The following MORN3 variants were observed in gnomAD, a reference collection of about 807,000 sequenced individuals.
The protein encoded by MORN3 is MORN repeat containing 3.
In MORN3, 38 loss-of-function variants were observed where a neutral mutation model predicts 34.7. The ratio of observed to expected loss-of-function variants is 1.10; its 90% CI spans 0.85 to 1.44. The LOEUF (loss-of-function observed/expected upper bound fraction) is 1.44. MORN3 is among the 40% of genes most tolerant of loss of function. The probability of loss-of-function intolerance (pLI) is 0.00; values close to 1 mark genes in which losing one functional copy is unlikely to be tolerated. For synonymous variants in MORN3, 109 were observed against 115.3 expected, an observed-to-expected ratio of 0.95 and a Z score of 0.35; for missense variants, 311 against 321.7, an observed-to-expected ratio of 0.97 and a Z score of 0.25.
chr12:121,669,631 G>A lies in MORN3; in HGVS notation c.-148C>T. 1 of 1,140,054 alleles carries A rather than the reference G, an allele frequency of 8.8e-7. No homozygotes were observed. The allele number at this position is 1,140,054 out of a possible 1,614,324, so 70.6% of individuals were successfully genotyped here. On this transcript the variant is annotated 5_prime_UTR_variant, in exon 1 of 6. Coordinates refer to ENST00000355329, the MANE Select transcript of MORN3 (RefSeq NM_173855.5). Reference sequence around the variant, plus strand: ...CCCTGGGGCAGGTGAACAGCCCTTAGTGGGGATCCTTTAGTGCTGGACTGA... The same window carrying A: ...CCCTGGGGCAGGTGAACAGCCCTTAATGGGGATCCTTTAGTGCTGGACTGA...
At chr12:121,660,414 C>T (rs1225797589) in intron 1 of MORN3, among the ~76,000 whole-genome samples, 3 of 134,506 alleles carry the variant, frequency 2.2e-5, no homozygotes, top group Non-Finnish European at 4.6e-5. Context: ...TGCAGTGTTG[C>T]GATCTCGGCT....
chr12:121,653,040 G>A (rs782816947), intron 4 of MORN3, 35 bp downstream of exon 4: 37 of 1,565,602 alleles, frequency 2.4e-5, no homozygotes, highest in Non-Finnish European at 3.0e-5. Flanking sequence ...TCTCTGTCTG[G>A]GTGTGGCCAC....
chr12:121,658,589 T>C (rs1401998453), intron 2 of MORN3, among the ~76,000 whole-genome samples: 2 of 140,126 alleles, frequency 1.4e-5, no homozygotes, highest in Non-Finnish European at 3.1e-5. Flanking sequence ...AAAAAAAAAG[T>C]TTTAAATATG....
In MORN3 at chr12:121,669,405, G is replaced by C; in HGVS notation, c.79C>G (p.Arg27Gly). 2 of 1,613,962 alleles carry C rather than the reference G, an allele frequency of 1.2e-6. No individual in the cohort carries two copies. Among genetic ancestry groups the C allele is most frequent in the Non-Finnish European group, 1.7e-6 (2 of 1,179,922 alleles). Residue 27 changes from arginine (R) to glycine (G), a missense_variant, in exon 1 of 6, where the codon CGG (arginine) becomes GGG (glycine). Transcript: ENST00000355329. ...WDRKAQRNGLRSQVYAVNGDY... is the reference protein window; with the variant it reads ...WDRKAQRNGLGSQVYAVNGDY... ...CCATTCACAGCGTATACCTGGCTCCGCAGGCCGTTCCTCTGGGCCTTCCGG... is the reference window on the plus strand; with the variant it reads ...CCATTCACAGCGTATACCTGGCTCCCCAGGCCGTTCCTCTGGGCCTTCCGG...
rs1342389156 is a variant in MORN3, at chr12:121,649,274, C to G, written c.*2377G>C. On this transcript the variant is annotated 3_prime_UTR_variant, in exon 6 of 6. Transcript: ENST00000355329. Reference sequence around the variant, plus strand: ...CACTTTTTCTTTAAAAATGGTAACCCTTTACACTCTTCTGCACATTAAGAA... The same window carrying G: ...CACTTTTTCTTTAAAAATGGTAACCGTTTACACTCTTCTGCACATTAAGAA... 6.6e-6 allele frequency: 1 copy of G among 152,084 alleles called. No homozygotes were observed. The highest frequency in any genetic ancestry group is 1.9e-4 in the East Asian group (1 of 5,202). The allele number at this position is 152,084 out of a possible 1,614,324, so 9.4% of individuals were successfully genotyped here. A position where few individuals can be genotyped will look rare whatever the true frequency, so the allele number is the denominator to read the frequency against.
upstream of MORN3, among the ~76,000 whole-genome samples, chr12:121,669,832 ATTTTTTTT>A (rs63366260): frequency 1.5e-5 from 2 of 133,616 alleles, no homozygotes; most frequent in South Asian, 2.3e-4. Flanking sequence ...ATATATATAT[ATTTTTTTT>A]TTTATGTCTT....
chr12:121,659,450 G>A, intron 1 of MORN3, 102 bp from the exon 2 acceptor site: 1 of 1,203,438 alleles, frequency 8.3e-7, no homozygotes, highest in Non-Finnish European at 1.2e-6. Flanking sequence ...CGAATCTAGA[G>A]AGCTGGGACA....
chr12:121,664,182 C>G (rs770331872), intron 1 of MORN3, among the ~76,000 whole-genome samples: 1 of 152,264 alleles, frequency 6.6e-6, no homozygotes, highest in South Asian at 2.1e-4. Flanking sequence ...AGGGAGACGC[C>G]AAGTTCCAGT....
At chr12:121,652,970 T>C in intron 4 of MORN3, 105 bp downstream of exon 4, 1 of 1,451,138 alleles carries the variant, frequency 6.9e-7, no homozygotes, top group Non-Finnish European at 9.4e-7. Flanking sequence ...CTGTTCCCTG[T>C]CTGGGCTTGG....
Position 121,649,813 on chromosome 12 carries a change from A to G in MORN3, c.*1838T>C, listed in dbSNP as rs1188418701. 1 of 148,314 alleles carries G rather than the reference A, an allele frequency of 6.7e-6. No homozygotes were observed. Among genetic ancestry groups the G allele is most frequent in the Admixed American group, 6.7e-5 (1 of 14,824 alleles). 9.2% of individuals were successfully genotyped at this position (148,314 alleles called of 1,614,324 possible). On this transcript the variant is annotated 3_prime_UTR_variant, in exon 6 of 6. Coordinates refer to ENST00000355329, the MANE Select transcript of MORN3 (RefSeq NM_173855.5). ...AACCTCTGCCACCCAGGTTCAAGCA[A>G]TTCTCCTGCCTCAGCCTCCCAAGTA...
At chr12:121,665,539 G>A (rs1893726059) in intron 1 of MORN3, among the ~76,000 whole-genome samples, 1 of 151,182 alleles carries the variant, frequency 6.6e-6, no homozygotes, top group African/African-American at 2.4e-5. Context: ...AGGCTGAGGC[G>A]GGCGGATCAC....
intron 3 of MORN3, 75 bp downstream of exon 3, chr12:121,654,199 G>T: frequency 1.6e-6 from 2 of 1,267,530 alleles, no homozygotes; most frequent in Non-Finnish European, 2.1e-6. Flanking sequence ...GTCTCTGTGG[G>T]ACCAAATGGG....
chr12:121,669,834 T>TATAATATATATATATATATATATATA (rs1566488482), upstream of MORN3, among the ~76,000 whole-genome samples: 3 of 92,276 alleles, frequency 3.3e-5, no homozygotes, highest in African/African-American at 1.4e-4. Flanking sequence ...ATATATATAT[T>TATAATATATATATATATATATATATA]TTTTTTTTTA....
intron 2 of MORN3, among the ~76,000 whole-genome samples, chr12:121,656,489 AATT>A (rs1893420625): frequency 6.6e-6 from 1 of 151,676 alleles, no homozygotes. Context: ...ACATCTAGCT[AATT>A]ATTATTATTA....
chr12:121,658,205 T>C (rs1196996309), intron 2 of MORN3, among the ~76,000 whole-genome samples: 3 of 152,170 alleles, frequency 2.0e-5, no homozygotes, highest in African/African-American at 7.2e-5. Flanking sequence ...GCTTGTTTGC[T>C]TATCAATAAA....
chr12:121,660,647 C>A (rs1416251170), intron 1 of MORN3, among the ~76,000 whole-genome samples: 1 of 141,206 alleles, frequency 7.1e-6, no homozygotes, highest in Non-Finnish European at 1.5e-5. Flanking sequence ...CCGCACCCGG[C>A]CTTTTTTTTT....
At chr12:121,654,189 G>C in intron 3 of MORN3, 85 bp downstream of exon 3, 1 of 1,173,164 alleles carries the variant, frequency 8.5e-7, no homozygotes, top group Middle Eastern at 2.8e-4. Flanking sequence ...GGTGTGGCCT[G>C]TCTCTGTGGG....
rs782655938 is a variant in MORN3, at chr12:121,652,757, T to A, written c.700A>T (p.Arg234Trp). ...CATCAATCTCCTTCCTCTGTCTTCC[T>A]GAACATGGCCAAGGCCTCCGCCAGC... ...GVLAEALAMF[R>W]KTEEGD is the part of the protein sequence containing the mutation. Residue 234 changes from arginine (R) to tryptophan (W), a missense_variant, in exon 5 of 6, where the codon AGG becomes TGG. By Grantham distance (101) the Arg-to-Trp change is moderately radical (BLOSUM62 -3). Transcript: ENST00000355329. 6.2e-7 allele frequency: 1 copy of A among 1,614,232 alleles called. No individual in the cohort carries two copies. Among genetic ancestry groups the A allele is most frequent in the East Asian group, 2.2e-5 (1 of 44,890 alleles).
At chr12:121,665,122 AGAGT>A (rs1441579308) in intron 1 of MORN3, among the ~76,000 whole-genome samples, 1 of 151,816 alleles carries the variant, frequency 6.6e-6, no homozygotes, top group Non-Finnish European at 1.5e-5. Flanking sequence ...AAGAAGGTGA[AGAGT>A]GAGAGCAGGA....
Sources: gnomAD v4.1 joint callset for allele counts (sites outside exome capture counted in the v4.1 genomes callset) on GRCh38, gnomAD v4.1.1 for gene constraint, MANE v1.5 for transcripts, NCBI Gene and HGNC (gene_info 2026-07-23, HGNC 2026-07-21) for gene names.